MORC2: variants seen among roughly 807,000 people sequenced by gnomAD.
MORC2 encodes ATPase MORC2.
In MORC2, 30 loss-of-function variants were observed where a neutral mutation model predicts 136.0. That is an observed-to-expected ratio of 0.22 (90% CI 0.17 to 0.30). MORC2 has a LOEUF of 0.30. Ranked by LOEUF, MORC2 falls within the 10% of genes least tolerant of loss-of-function variation. MORC2 has a pLI of 1.00. For synonymous variants in MORC2, 439 were observed against 487.0 expected, an observed-to-expected ratio of 0.90 and a Z score of 1.30; for missense variants, 922 against 1,333.1, an observed-to-expected ratio of 0.69 and a Z score of 4.80.
chr22:30,950,358 C>CAAA lies in MORC2; in HGVS notation c.226+18_226+19insTTT. The CAAA allele has an allele frequency of 2.7e-6, 3 of 1,111,990 alleles. No individual in the cohort carries two copies. Among genetic ancestry groups the CAAA allele is most frequent in the Non-Finnish European group, 3.8e-6 (3 of 782,030 alleles). 68.9% of individuals were successfully genotyped at this position (1,111,990 alleles called of 1,614,324 possible). On this transcript the variant is annotated intron_variant, in intron 4 of 25. Transcript: ENST00000397641. ...CATCGCACCCCCCCACCCCCCAAAA[C>CAAA]AATAATCTCATCACTTACTTGGATC...
chr22:30,941,393 AC>A lies in MORC2; in HGVS notation c.824+39del. 6.2e-7 allele frequency: 1 copy of A among 1,609,306 alleles called. No individual in the cohort carries two copies. Among genetic ancestry groups the A allele is most frequent in the Non-Finnish European group, 8.5e-7 (1 of 1,177,314 alleles). ...CCAGAGAAACGCGGCCACATCCTCGACCCATGGGAGACAGCAGGCCAAGGGG... is the reference window on the plus strand; with the variant it reads ...CCAGAGAAACGCGGCCACATCCTCGACCATGGGAGACAGCAGGCCAAGGGG... On this transcript the variant is annotated intron_variant, in intron 9 of 25. Coordinates refer to ENST00000397641, the MANE Select transcript of MORC2 (RefSeq NM_001303256.3). This position sits in a 1 kb window ranked among gnomAD's most constrained non-coding sequence, Gnocchi z 4.6.
chr22:30,927,374 C>A (rs1297187657), intron 25 of MORC2, among the ~76,000 whole-genome samples: 2 of 152,172 alleles, frequency 1.3e-5, no homozygotes, highest in Non-Finnish European at 2.9e-5. Flanking sequence ...CTGCCTCTGC[C>A]CCTACCGCCC....
At chr22:30,936,724 A>G in intron 16 of MORC2, 81 bp from the exon 17 acceptor site, 7 of 1,550,430 alleles carry the variant, frequency 4.5e-6, no homozygotes, top group Non-Finnish European at 6.1e-6. Flanking sequence ...GCCAGTCTAC[A>G]CTGTCTGTCA....
chr22:30,926,690 T>G lies in MORC2; in HGVS notation c.*113A>C. On this transcript the variant is annotated 3_prime_UTR_variant, in exon 26 of 26. Transcript: ENST00000397641. ...ATCTTTTCCTCCAAAAACACAAATG[T>G]CCCGTGTAAGTCAAACCAAGGTGCG... 1.6e-6 allele frequency: 1 copy of G among 609,110 alleles called. No homozygotes were observed. The highest frequency in any genetic ancestry group is 2.8e-6 in the Non-Finnish European group (1 of 356,716). The allele number at this position is 609,110 out of a possible 1,614,324, so 37.7% of individuals were successfully genotyped here. A position where few individuals can be genotyped will look rare whatever the true frequency, so the allele number is the denominator to read the frequency against.
At chr22:30,958,488 A>C (rs1301974462) in intron 2 of MORC2, among the ~76,000 whole-genome samples, 153 bp downstream of exon 2, 1 of 152,208 alleles carries the variant, frequency 6.6e-6, no homozygotes, top group Non-Finnish European at 1.5e-5. Flanking sequence ...TGTGCTATTA[A>C]AAATATTATT....
chr22:30,933,878 G>C (rs2040613037), intron 20 of MORC2, among the ~76,000 whole-genome samples, 182 bp downstream of exon 20: 1 of 151,992 alleles, frequency 6.6e-6, no homozygotes, highest in African/African-American at 2.4e-5. Context: ...TAGGCTTCTG[G>C]AAGGCTCATG....
intron 24 of MORC2, 54 bp from the exon 25 acceptor site, chr22:30,928,261 GC>G: frequency 6.3e-7 from 1 of 1,577,402 alleles, no homozygotes; most frequent in Non-Finnish European, 8.7e-7. Flanking sequence ...GGTCCCCAGG[GC>G]CCTTCTAGGC....
Position 30,937,722 on chromosome 22 carries a change from AACACCGAT to A in MORC2, c.1370-19_1370-12del. The A allele has an allele frequency of 6.2e-7, 1 of 1,614,110 alleles. No homozygotes were observed. Among genetic ancestry groups the A allele is most frequent in the South Asian group, 1.1e-5 (1 of 91,078 alleles). On this transcript the variant is annotated splice_polypyrimidine_tract_variant and intron_variant, in intron 14 of 25. Transcript: ENST00000397641. The surrounding 1 kb of genome is among the most constrained non-coding windows in gnomAD (Gnocchi z 4.7). Reference sequence around the variant, plus strand: ...TGATTCCCCTCTGGGCTGGAAAGCAAACACCGATACATCATGTTAGGAGCCAGCCTCTC... The same window carrying A: ...TGATTCCCCTCTGGGCTGGAAAGCAAACATCATGTTAGGAGCCAGCCTCTC...
At chr22:30,960,522 CTT>C (rs1167430484) in intron 1 of MORC2, among the ~76,000 whole-genome samples, 17 of 152,022 alleles carry the variant, frequency 1.1e-4, no homozygotes, top group Middle Eastern at 3.2e-3. Context: ...AGTTTTTCCT[CTT>C]GTTGCCCAGG....
chr22:30,929,961 T>C (rs2040548908), intron 24 of MORC2: 1 of 152,132 alleles, frequency 6.6e-6, no homozygotes, highest in South Asian at 2.1e-4. Flanking sequence ...CAAGCGATTT[T>C]CATGCCTCGG....
chr22:30,933,358 C>A, intron 21 of MORC2, 108 bp downstream of exon 21: 1 of 1,262,680 alleles, frequency 7.9e-7, no homozygotes, highest in Non-Finnish European at 1.1e-6. Context: ...GAGCCCAGAC[C>A]CAGGACAGAT....
chr22:30,967,457 T>C (rs553382971), intron 1 of MORC2: 1 of 1,015,436 alleles, frequency 9.8e-7, no homozygotes, highest in Non-Finnish European at 1.2e-6. Flanking sequence ...TAGGACGTTG[T>C]CACTACAGAG....
rs971836234 is a variant in MORC2, at chr22:30,936,289, A to C, written c.1737+222T>G. On this transcript the variant is annotated intron_variant, in intron 17 of 25. Transcript: ENST00000397641. ...GAATTGGACCACTTTGAAGTATATA[A>C]GCATTTTTTCTTAAGAATAAGCAAG... Among the ~76,000 whole-genome samples, 7 of 152,352 alleles carry C rather than the reference A, an allele frequency of 4.6e-5. No individual in the cohort carries two copies. The East Asian group carries it at 7.7e-4, about 17-fold the overall frequency.
intron 5 of MORC2, among the ~76,000 whole-genome samples, chr22:30,948,701 A>G (rs1225139977): frequency 6.6e-6 from 1 of 152,208 alleles, no homozygotes; most frequent in African/African-American, 2.4e-5. Flanking sequence ...CTCTACACAT[A>G]GGCATTTTTA....
At chr22:30,946,286 TG>T in intron 6 of MORC2, 54 bp downstream of exon 6, 1 of 1,445,728 alleles carries the variant, frequency 6.9e-7, no homozygotes, top group Non-Finnish European at 9.6e-7. Context: ...GAAAACCGCC[TG>T]GGCAGACTCA....
At position 30,926,875 on chromosome 22, in the gene MORC2, G is replaced by C. The variant is rs373542143; in HGVS notation, c.3031-4C>G. On this transcript the variant is annotated splice_region_variant and splice_polypyrimidine_tract_variant and intron_variant, in intron 25 of 25. Coordinates refer to ENST00000397641, the MANE Select transcript of MORC2 (RefSeq NM_001303256.3). ...CATCTGTGTTGATGTCTATGTCCTG[G>C]AATAGAGCAGGGTAGGGATCAACTG... 13 of 1,612,498 alleles carry C rather than the reference G, an allele frequency of 8.1e-6. No homozygotes were observed. Among genetic ancestry groups the C allele is most frequent in the Non-Finnish European group, 1.0e-5 (12 of 1,179,102 alleles).
intron 1 of MORC2, among the ~76,000 whole-genome samples, chr22:30,961,362 A>T (rs2041042668): frequency 6.6e-6 from 1 of 152,246 alleles, no homozygotes; most frequent in Non-Finnish European, 1.5e-5. Flanking sequence ...AATTAAGGTG[A>T]CTTGCCAAAG....
chr22:30,962,502 G>A (rs982438765), intron 1 of MORC2, among the ~76,000 whole-genome samples: 2 of 151,810 alleles, frequency 1.3e-5, no homozygotes, highest in African/African-American at 4.8e-5. Context: ...GGCTGAGGTG[G>A]GAGGATGGCC....
At position 30,944,263 on chromosome 22, in the gene MORC2, T is replaced by C. The variant is rs192458713; in HGVS notation, c.427-1992A>G. On this transcript the variant is annotated intron_variant, in intron 6 of 25. Transcript: ENST00000397641. ...CTCCACCACGGGAACCGAGTTCCAT[T>C]TGTGTTCTATAAACCTGTACCTCAC... 3.2e-4 allele frequency among the ~76,000 whole-genome samples: 48 copies of C among 152,320 alleles called. 1 individual carries two copies. The highest frequency in any genetic ancestry group is 1.1e-3 in the African/African-American group (47 of 41,568).
Sources: gnomAD v4.1 joint callset for allele counts (sites outside exome capture counted in the v4.1 genomes callset) on GRCh38, gnomAD v4.1.1 for gene constraint, Gnocchi (gnomAD v3.1) non-coding constraint, MANE v1.5 for transcripts, NCBI Gene and HGNC (gene_info 2026-07-23, HGNC 2026-07-21) for gene names.